The following CHRNB3 variants were observed in gnomAD, a reference collection of about 807,000 sequenced individuals.
CHRNB3 encodes the protein neuronal acetylcholine receptor subunit beta-3.
CHRNB3 carries 37 observed loss-of-function variants against 40.6 expected under a neutral mutation model. That is an observed-to-expected ratio of 0.91 (90% CI 0.70 to 1.20). The LOEUF is 1.20. Among genes scored for constraint, CHRNB3 ranks in the 50% most tolerant of loss-of-function variants. The probability of loss-of-function intolerance (pLI) is 0.00; values close to 1 mark genes in which losing one functional copy is unlikely to be tolerated. For missense variants in CHRNB3, 505 were observed against 551.2 expected, an observed-to-expected ratio of 0.92 and a Z score of 0.84; for synonymous variants, 207 against 207.1, an observed-to-expected ratio of 1.00 and a Z score of 0.00.
chr8:42,703,422 TAAAAAA>T (rs1202825994), intron 1 of CHRNB3, among the ~76,000 whole-genome samples: 7 of 26,468 alleles, frequency 2.6e-4, no homozygotes, highest in African/African-American at 4.2e-4. Context: ...AGACTTCGTC[TAAAAAA>T]AAAAAAAATA....
At position 42,731,843 on chromosome 8, in the gene CHRNB3, C is replaced by G. The variant is rs1356297299; in HGVS notation, c.536C>G (p.Thr179Ser). The part of the protein sequence containing the change: ...MKFGSWTYDG[T>S]MVDLILINEN... ...TTTGGATCCTGGACTTATGATGGCA[C>G]CATGGTTGACCTCATTTTGATCAAT... Residue 179 changes from threonine (T) to serine (S), a missense_variant, in exon 5 of 6, where the codon ACC (threonine) becomes AGC (serine). By Grantham distance (58) the Thr-to-Ser change is moderately conservative. Coordinates refer to ENST00000289957, the MANE Select transcript of CHRNB3 (RefSeq NM_000749.5). 2 of 1,614,028 alleles carry G rather than the reference C, an allele frequency of 1.2e-6. No individual in the cohort carries two copies. Among genetic ancestry groups the G allele is most frequent in the South Asian group, 1.1e-5 (1 of 91,080 alleles).
Position 42,726,317 on chromosome 8 carries a change from G to A in CHRNB3, c.250-4277G>A, listed in dbSNP as rs539757719. On this transcript the variant is annotated intron_variant, in intron 3 of 5. Transcript: ENST00000289957. Reference sequence around the variant, plus strand: ...CAGATTGGAAAGGAAGAAATAAAACGCTCCACTTGCAAATGACATAATTGT... The same window carrying A: ...CAGATTGGAAAGGAAGAAATAAAACACTCCACTTGCAAATGACATAATTGT... 51 of 554,696 alleles carry A rather than the reference G, an allele frequency of 9.2e-5. No homozygotes were observed. The East Asian group carries it at 1.1e-3, about 12-fold the overall frequency. The allele number at this position is 554,696 out of a possible 1,614,324, so 34.4% of individuals were successfully genotyped here.
intron 3 of CHRNB3, among the ~76,000 whole-genome samples, chr8:42,714,572 G>C (rs1201956555): frequency 6.6e-6 from 1 of 151,654 alleles, no homozygotes; most frequent in Non-Finnish European, 1.5e-5. Context: ...ACCATGAAAA[G>C]AAAACCAAGA....
chr8:42,705,087 A>G (rs766353677), intron 1 of CHRNB3, among the ~76,000 whole-genome samples: 3 of 152,176 alleles, frequency 2.0e-5, no homozygotes, highest in Non-Finnish European at 4.4e-5. Flanking sequence ...AGACAAAAAG[A>G]AGGAGGCAGA....
intron 3 of CHRNB3, among the ~76,000 whole-genome samples, chr8:42,725,217 G>A (rs1333105692): frequency 5.3e-5 from 8 of 150,360 alleles, no homozygotes; most frequent in African/African-American, 2.0e-4. Flanking sequence ...AGCCTCCCTA[G>A]TAGCTGGGAT....
chr8:42,728,308 T>C (rs1215340978), intron 3 of CHRNB3, among the ~76,000 whole-genome samples: 3 of 152,114 alleles, frequency 2.0e-5, no homozygotes, highest in African/African-American at 7.2e-5. Flanking sequence ...GAGAATTGCT[T>C]GAGCCTAGGG....
At chr8:42,728,621 T>G (rs1816348646) in intron 3 of CHRNB3, among the ~76,000 whole-genome samples, 1 of 152,112 alleles carries the variant, frequency 6.6e-6, no homozygotes, top group African/African-American at 2.4e-5. Context: ...TTATGTTGAT[T>G]CCATTTACAT....
At chr8:42,700,292 G>A (rs1815766918) in intron 1 of CHRNB3, among the ~76,000 whole-genome samples, 2 of 151,418 alleles carry the variant, frequency 1.3e-5, no homozygotes, top group Non-Finnish European at 2.9e-5. Context: ...TGGGATTACA[G>A]GTGTGAGCCA....
chr8:42,711,536 A>G (rs986123296), intron 3 of CHRNB3, among the ~76,000 whole-genome samples: 5 of 151,906 alleles, frequency 3.3e-5, no homozygotes, highest in African/African-American at 1.2e-4. Context: ...CTGGGATTAC[A>G]GGTGCCCGCC....
intron 3 of CHRNB3, chr8:42,715,126 C>T (rs931126190): frequency 3.3e-5 from 5 of 152,038 alleles, no homozygotes; most frequent in African/African-American, 9.7e-5. Context: ...CACACACCAC[C>T]GCCTGAAAGA....
intron 3 of CHRNB3, chr8:42,721,998 G>A (rs1013917961): frequency 2.6e-5 from 4 of 152,176 alleles, no homozygotes; most frequent in Non-Finnish European, 4.4e-5. Context: ...CTGTTACCAA[G>A]AGAAAGGCAG....
intron 2 of CHRNB3, among the ~76,000 whole-genome samples, chr8:42,709,894 A>T (rs930779965): frequency 6.6e-6 from 1 of 152,148 alleles, no homozygotes; most frequent in African/African-American, 2.4e-5. Flanking sequence ...GGCCTCCCAA[A>T]GTACTGGGAT....
chr8:42,718,843 G>A (rs1352806034), intron 3 of CHRNB3, among the ~76,000 whole-genome samples: 1 of 152,018 alleles, frequency 6.6e-6, no homozygotes, highest in Non-Finnish European at 1.5e-5. Flanking sequence ...ACAATTTTAA[G>A]GGATTATATA....
At chr8:42,715,646 C>A (rs1816086376) in intron 3 of CHRNB3, among the ~76,000 whole-genome samples, 1 of 152,102 alleles carries the variant, frequency 6.6e-6, no homozygotes, top group Non-Finnish European at 1.5e-5. Context: ...GTTTCCATAG[C>A]TCTCCTCTGG....
chr8:42,723,396 C>T (rs1359239274), intron 3 of CHRNB3, among the ~76,000 whole-genome samples: 1 of 152,044 alleles, frequency 6.6e-6, no homozygotes, highest in Non-Finnish European at 1.5e-5. Flanking sequence ...AGCCTGAGTA[C>T]ACCATTGTGC....
intron 1 of CHRNB3, among the ~76,000 whole-genome samples, chr8:42,707,096 C>T (rs1045628813): frequency 2.0e-5 from 3 of 152,126 alleles, no homozygotes; most frequent in South Asian, 2.1e-4. Context: ...TGTAAGGTTG[C>T]GTCTCTCCCT....
intron 1 of CHRNB3, among the ~76,000 whole-genome samples, chr8:42,708,423 G>A (rs959826253): frequency 2.0e-5 from 3 of 151,882 alleles, no homozygotes; most frequent in Admixed American, 6.6e-5. Flanking sequence ...CCGAGATCGC[G>A]CCAATGCACT....
intron 3 of CHRNB3, among the ~76,000 whole-genome samples, chr8:42,724,243 A>G (rs1816267775): frequency 6.6e-6 from 1 of 152,150 alleles, no homozygotes; most frequent in Non-Finnish European, 1.5e-5. Flanking sequence ...TCAGGAAACT[A>G]GTAATAGAAG....
intron 1 of CHRNB3, among the ~76,000 whole-genome samples, chr8:42,699,141 T>C (rs1338128256): frequency 4.6e-5 from 7 of 152,254 alleles, no homozygotes; most frequent in Non-Finnish European, 1.0e-4. Flanking sequence ...AACAAAATAG[T>C]TTCTTTTTGT....
Sources: gnomAD v4.1 joint callset for allele counts (sites outside exome capture counted in the v4.1 genomes callset) on GRCh38, gnomAD v4.1.1 for gene constraint, MANE v1.5 for transcripts, NCBI Gene and HGNC (gene_info 2026-07-23, HGNC 2026-07-21) for gene names.